Variants in PKP4 observed in about 807,000 individuals in gnomAD.
The protein encoded by PKP4 is plakophilin-4.
A neutral mutation model predicts 145.1 loss-of-function variants in PKP4; 90 were observed. The ratio of observed to expected loss-of-function variants is 0.62; its 90% confidence interval spans 0.52 to 0.74. The LOEUF (loss-of-function observed/expected upper bound fraction) is 0.74, where lower values mean the gene tolerates loss of function less well. PKP4 is among the 30% of genes least tolerant of loss of function. PKP4 has a pLI of 0.00. For missense variants in PKP4, 1,340 were observed against 1,482.7 expected (o/e 0.90, Z 1.58); for synonymous variants, 563 against 577.2 (o/e 0.98, Z 0.35).
At chr2:158,577,639 A>G (rs777103381) in intron 3 of PKP4, among the ~76,000 whole-genome samples, 6 of 152,208 alleles carry the variant, frequency 3.9e-5, no homozygotes, top group Non-Finnish European at 5.9e-5. Flanking sequence ...CCTCATATGT[A>G]CACACAGTTA....
chr2:158,653,959 G>A (rs1442283224), intron 11 of PKP4, among the ~76,000 whole-genome samples: 2 of 152,178 alleles, frequency 1.3e-5, no homozygotes, highest in African/African-American at 4.8e-5. Flanking sequence ...TAGTGAGGTC[G>A]AGCACACACA....
chr2:158,583,547 A>G lies in PKP4; in HGVS notation c.245+6164A>G, dbSNP rs536004445. Among the ~76,000 whole-genome samples, 16 of 152,324 alleles carry G rather than the reference A, an allele frequency of 1.1e-4. No homozygotes were observed. The South Asian group carries it at 3.1e-3, about 30-fold the overall frequency. ...AACTTTATTGAAGTGTGATTCACTT[A>G]CCGTAAAATTCAACCCTTTGTAGTG... On this transcript the variant is annotated intron_variant, in intron 3 of 21. Transcript: ENST00000389759.
chr2:158,497,349 G>A (rs1015744587), intron 1 of PKP4, among the ~76,000 whole-genome samples: 1 of 152,090 alleles, frequency 6.6e-6, no homozygotes, highest in African/African-American at 2.4e-5. Context: ...TTTCCTCTTG[G>A]TTCTTTGCCT....
chr2:158,665,809 T>C (rs367826837), intron 15 of PKP4: 14 of 152,330 alleles, frequency 9.2e-5, no homozygotes, highest in African/African-American at 3.1e-4. Flanking sequence ...AGCTAACTAA[T>C]CTTGAGTGAG....
In PKP4 at chr2:158,621,163, AT is replaced by A. The variant is rs747858881; in HGVS notation, c.412+46del. On this transcript the variant is annotated intron_variant, in intron 5 of 21. Transcript: ENST00000389759. The stretch of plus-strand genomic sequence containing the variant: ...TTTAAGTACTGGATTTGCTTTTAAG[AT>A]TTTATTCTTGAAAGCGAGTGTCAGA... 9 of 1,613,512 alleles carry A rather than the reference AT, an allele frequency of 5.6e-6. No individual in the cohort carries two copies. The African/African-American group carries it at 6.7e-5, about 12-fold the overall frequency.
At chr2:158,511,520 T>G (rs572017974) in intron 1 of PKP4, among the ~76,000 whole-genome samples, 1 of 152,354 alleles carries the variant, frequency 6.6e-6, no homozygotes, top group South Asian at 2.1e-4. Flanking sequence ...TTCTATCCTT[T>G]GGAAGAAATT....
chr2:158,585,246 T>C (rs1343797728), intron 3 of PKP4, among the ~76,000 whole-genome samples: 3 of 152,170 alleles, frequency 2.0e-5, no homozygotes, highest in Non-Finnish European at 2.9e-5. Flanking sequence ...TTCAAAGTCT[T>C]CCCAAGATTA....
chr2:158,541,660 C>T (rs1051142455), intron 2 of PKP4, among the ~76,000 whole-genome samples: 9 of 152,082 alleles, frequency 5.9e-5, no homozygotes, highest in Non-Finnish European at 5.9e-5. Flanking sequence ...ATTTCAATCT[C>T]TGTGGCTCTT....
At chr2:158,552,135 G>A (rs889236282) in intron 2 of PKP4, among the ~76,000 whole-genome samples, 1 of 152,246 alleles carries the variant, frequency 6.6e-6, no homozygotes, top group Non-Finnish European at 1.5e-5. Flanking sequence ...ACACGAGAAG[G>A]CTCTGTGAAG....
At chr2:158,538,976 A>G (rs1257816968) in intron 2 of PKP4, among the ~76,000 whole-genome samples, 1 of 152,022 alleles carries the variant, frequency 6.6e-6, no homozygotes, top group East Asian at 1.9e-4. Flanking sequence ...TTTTATATGC[A>G]CTCTTTTTAC....
chr2:158,660,651 C>T (rs988654167), intron 12 of PKP4: 33 of 152,332 alleles, frequency 2.2e-4, no homozygotes, highest in Non-Finnish European at 4.4e-5. Flanking sequence ...TTTATGAAGG[C>T]AAATTGATAT....
At chr2:158,557,113 C>T (rs531250542) in intron 2 of PKP4, among the ~76,000 whole-genome samples, 6 of 151,900 alleles carry the variant, frequency 3.9e-5, no homozygotes, top group South Asian at 2.1e-4. Context: ...ATATATTCCT[C>T]GTGGGGTTAT....
chr2:158,477,061 T>G (rs978588119), intron 1 of PKP4, among the ~76,000 whole-genome samples: 15 of 115,994 alleles, frequency 1.3e-4, no homozygotes, highest in Non-Finnish European at 2.6e-4. Context: ...AATTGGACAA[T>G]TTTTTTTTTG....
In PKP4 at chr2:158,599,483, G is replaced by A. The variant is rs534426471; in HGVS notation, c.246-3587G>A. 4.6e-5 allele frequency among the ~76,000 whole-genome samples: 7 copies of A among 152,316 alleles called. No homozygotes were observed. The South Asian group carries it at 1.4e-3, about 32-fold the overall frequency. On this transcript the variant is annotated intron_variant, in intron 3 of 21. Coordinates refer to ENST00000389759, the MANE Select transcript of PKP4 (RefSeq NM_003628.6). ...TGAAGGTGGGAATCACTAAACAGGA[G>A]TCAGTTTAGAGGGAAATAATTTCAA...
chr2:158,565,019 A>G (rs1172932780), intron 2 of PKP4, among the ~76,000 whole-genome samples: 2 of 152,190 alleles, frequency 1.3e-5, no homozygotes, highest in Non-Finnish European at 2.9e-5. Flanking sequence ...AGCTTCCTAT[A>G]ATGGAAAGAG....
intron 1 of PKP4, among the ~76,000 whole-genome samples, chr2:158,513,006 C>G (rs992569432): frequency 2.0e-5 from 3 of 152,188 alleles, no homozygotes. Context: ...TCCCTGAGAG[C>G]AAAGATCCTT....
chr2:158,579,851 A>G (rs116456826), intron 3 of PKP4, among the ~76,000 whole-genome samples: 176 of 152,040 alleles, frequency 1.2e-3, no homozygotes, highest in Middle Eastern at 6.8e-3. Context: ...TAAAATATAT[A>G]TATATAGCTA....
At chr2:158,526,293 A>G (rs895747166) in intron 1 of PKP4, among the ~76,000 whole-genome samples, 14 of 135,464 alleles carry the variant, frequency 1.0e-4, no homozygotes, top group Non-Finnish European at 2.0e-4. Context: ...ACCATGATCA[A>G]GTGGGCTTCA....
At chr2:158,461,362 G>A (rs1309633443) in intron 1 of PKP4, among the ~76,000 whole-genome samples, 1 of 152,048 alleles carries the variant, frequency 6.6e-6, no homozygotes, top group Non-Finnish European at 1.5e-5. Flanking sequence ...ACCAATAAAT[G>A]TTGGCTATAT....
Sources: gnomAD v4.1 joint callset for allele counts (sites outside exome capture counted in the v4.1 genomes callset) on GRCh38, gnomAD v4.1.1 for gene constraint, MANE v1.5 for transcripts, NCBI Gene and HGNC (gene_info 2026-07-23, HGNC 2026-07-21) for gene names.